The following CEP43 variants were observed in gnomAD, a reference collection of about 807,000 sequenced individuals.
The protein encoded by CEP43 is FGFR1 oncogene partner.
CEP43 carries 36 observed loss-of-function variants against 52.6 expected under a neutral mutation model. The observed-to-expected ratio is 0.68, with a 90% CI of 0.52 to 0.90. The LOEUF (loss-of-function observed/expected upper bound fraction) is 0.90. Among genes scored for constraint, CEP43 ranks in the 40% least tolerant of loss-of-function variants. The pLI is 0.00. For missense variants in CEP43, 506 were observed against 472.8 expected, an observed-to-expected ratio of 1.07 and a Z score of -0.65; for synonymous variants, 192 against 172.4, an observed-to-expected ratio of 1.11 and a Z score of -0.89.
chr6:167,041,884 T>G lies in CEP43; in HGVS notation c.*1906T>G. The stretch of plus-strand genomic sequence containing the variant: ...TGTCACTCAGACTGGAGTACAGTGA[T>G]GCGATCTCGGCTCACTGCAACCTCC... On this transcript the variant is annotated 3_prime_UTR_variant, in exon 13 of 13. Coordinates refer to ENST00000366847, the MANE Select transcript of CEP43 (RefSeq NM_007045.4). 2.4e-6 allele frequency: 2 copies of G among 833,914 alleles called. No individual in the cohort carries two copies. The highest frequency in any genetic ancestry group is 2.9e-6 in the Non-Finnish European group (2 of 683,916). 51.7% of individuals were successfully genotyped at this position (833,914 alleles called of 1,614,324 possible). A position where few individuals can be genotyped will look rare whatever the true frequency, so the allele number is the denominator to read the frequency against.
chr6:167,004,119 A>G (rs1244236731), intron 4 of CEP43, 145 bp from the exon 5 acceptor site: 1 of 913,692 alleles, frequency 1.1e-6, no homozygotes, highest in Admixed American at 3.3e-5. Context: ...AATAGGCATA[A>G]TTTTTTAAAA....
At chr6:166,999,861 G>C (rs959816512) in intron 1 of CEP43, 199 bp from the exon 2 acceptor site, 4 of 578,630 alleles carry the variant, frequency 6.9e-6, no homozygotes, top group Non-Finnish European at 1.2e-5. Context: ...CATGATCCGC[G>C]GCGGGAAAGC....
Position 167,041,110 on chromosome 6 carries a change from G to T in CEP43, c.*1132G>T. On this transcript the variant is annotated 3_prime_UTR_variant, in exon 13 of 13. Transcript: ENST00000366847. ...ACTTTATAATTTCAATTAAGTTGCGGCTTTTTACTACAAGTTAACTTTATT... is the reference window on the plus strand; with the variant it reads ...ACTTTATAATTTCAATTAAGTTGCGTCTTTTTACTACAAGTTAACTTTATT... The T allele has an allele frequency of 2.9e-6, 3 of 1,041,126 alleles. No homozygotes were observed. The highest frequency in any genetic ancestry group is 3.5e-6 in the Non-Finnish European group (3 of 864,182). The allele number at this position is 1,041,126 out of a possible 1,614,324, so 64.5% of individuals were successfully genotyped here.
In CEP43 at chr6:167,033,945, A is replaced by G. The variant is rs1177265357; in HGVS notation, c.1099A>G (p.Ile367Val). ...GATAGAAGAAGACCTTTCTGTGGAA[A>G]TAGATGACATCAATACCAGTGATAA... ...EEIEEDLSVE[I>V]DDINTSDKLD... Residue 367 changes from isoleucine to valine, a missense_variant, in exon 12 of 13, where the codon ATA becomes GTA. By Grantham distance (29) the Ile-to-Val change is conservative. Transcript: ENST00000366847. The G allele has an allele frequency of 1.3e-6, 2 of 1,582,950 alleles. No homozygotes were observed. The highest frequency in any genetic ancestry group is 1.7e-6 in the Non-Finnish European group (2 of 1,155,252).
chr6:167,000,337 C>A (rs1204142760), intron 2 of CEP43, among the ~76,000 whole-genome samples: 2 of 152,132 alleles, frequency 1.3e-5, no homozygotes, highest in African/African-American at 4.8e-5. Flanking sequence ...GATACTAATG[C>A]TTAATCTGAA....
At chr6:167,028,416 G>C (rs983580614) in intron 10 of CEP43, 18 of 984,984 alleles carry the variant, frequency 1.8e-5, no homozygotes, top group Non-Finnish European at 1.9e-5. Context: ...AGTTATGCAG[G>C]TGAGAACTAC....
At position 167,046,406 on chromosome 6, in the gene CEP43, G is replaced by C. The variant is rs1306896472; in HGVS notation, c.*6428G>C. On this transcript the variant is annotated 3_prime_UTR_variant, in exon 13 of 13. Transcript: ENST00000366847. Reference sequence around the variant, plus strand: ...AAAAATGGAAGGAGGAAGGAAGGAAGGGAAAGAATGAAGAAAGCCATTTGT... The same window carrying C: ...AAAAATGGAAGGAGGAAGGAAGGAACGGAAAGAATGAAGAAAGCCATTTGT... 6.6e-6 allele frequency: 1 copy of C among 151,996 alleles called. No homozygotes were observed. Among genetic ancestry groups the C allele is most frequent in the Non-Finnish European group, 1.5e-5 (1 of 67,998 alleles). 9.4% of individuals were successfully genotyped at this position (151,996 alleles called of 1,614,324 possible). A position where few individuals can be genotyped will look rare whatever the true frequency, so the allele number is the denominator to read the frequency against.
chr6:167,011,099 T>C (rs1186927166), intron 6 of CEP43, among the ~76,000 whole-genome samples: 1 of 152,252 alleles, frequency 6.6e-6, no homozygotes, highest in Non-Finnish European at 1.5e-5. Context: ...ATTTGTATTG[T>C]AGAAAGGAAT....
chr6:167,000,018 G>A, intron 1 of CEP43, 42 bp from the exon 2 acceptor site: 1 of 1,537,524 alleles, frequency 6.5e-7, no homozygotes, highest in African/African-American at 1.4e-5. Flanking sequence ...TGTGAAAATT[G>A]TCTTGAAATT....
rs1308327987 is a variant in CEP43, at chr6:167,047,430, C to T, written c.*7452C>T. The T allele has an allele frequency of 6.6e-6, 1 of 152,144 alleles. No individual in the cohort carries two copies. The highest frequency in any genetic ancestry group is 1.5e-5 in the Non-Finnish European group (1 of 68,046). The allele number at this position is 152,144 out of a possible 1,614,324, so 9.4% of individuals were successfully genotyped here. A position where few individuals can be genotyped will look rare whatever the true frequency, so the allele number is the denominator to read the frequency against. ...ATTTAATATCAGTATTCTCAGTTTT[C>T]TCATCTGTAAAGGGGATTAAATACT... is the stretch of plus-strand genomic sequence containing the variant. On this transcript the variant is annotated 3_prime_UTR_variant, in exon 13 of 13. Transcript: ENST00000366847.
rs1319145491 is a variant in CEP43, at chr6:167,022,601, G to C, written c.772G>C (p.Asp258His). 1.2e-6 allele frequency: 2 copies of C among 1,614,038 alleles called. No individual in the cohort carries two copies. Among genetic ancestry groups the C allele is most frequent in the Non-Finnish European group, 1.7e-6 (2 of 1,179,888 alleles). ...DDMEGDSFFDDPIPKPEKTYG... is the reference protein window; with the variant it reads ...DDMEGDSFFDHPIPKPEKTYG... The stretch of plus-strand genomic sequence containing the variant: ...TATGGAAGGAGATTCTTTCTTTGAT[G>C]ATCCCATTCCTAAGCCAGAGAAAAC... Residue 258 changes from aspartate (D) to histidine (H), a missense_variant, in exon 8 of 13, where the codon GAT becomes CAT. Coordinates refer to ENST00000366847, the MANE Select transcript of CEP43 (RefSeq NM_007045.4).
At position 167,047,258 on chromosome 6, in the gene CEP43, G is replaced by T. The variant is rs1183347146; in HGVS notation, c.*7280G>T. ...GCACAGGCCACCCTAGACAGGAGGG[G>T]TCCCCTACTGACAGGGAGGTGCTGT... On this transcript the variant is annotated 3_prime_UTR_variant, in exon 13 of 13. Transcript: ENST00000366847. The T allele has an allele frequency of 6.6e-6, 1 of 152,240 alleles. No homozygotes were observed. Among genetic ancestry groups the T allele is most frequent in the East Asian group, 1.9e-4 (1 of 5,190 alleles). The allele number at this position is 152,240 out of a possible 1,614,324, so 9.4% of individuals were successfully genotyped here. A position where few individuals can be genotyped will look rare whatever the true frequency, so the allele number is the denominator to read the frequency against.
At chr6:167,003,107 T>C (rs1779774105) in intron 2 of CEP43, 86 bp from the exon 3 acceptor site, 2 of 626,036 alleles carry the variant, frequency 3.2e-6, no homozygotes, top group Admixed American at 3.6e-5. Flanking sequence ...AAAACCATAA[T>C]TTTATCAATG....
chr6:167,023,741 G>A (rs1780291545), intron 8 of CEP43, among the ~76,000 whole-genome samples: 1 of 152,192 alleles, frequency 6.6e-6, no homozygotes, highest in African/African-American at 2.4e-5. Flanking sequence ...GGAGAGTGGT[G>A]TCTGTGGAGG....
Position 167,044,670 on chromosome 6 carries a change from C to A in CEP43, c.*4692C>A. 1 of 578,158 alleles carries A rather than the reference C, an allele frequency of 1.7e-6. No homozygotes were observed. Among genetic ancestry groups the A allele is most frequent in the Non-Finnish European group, 2.2e-6 (1 of 457,870 alleles). The allele number at this position is 578,158 out of a possible 1,614,324, so 35.8% of individuals were successfully genotyped here. ...TGCCCTTAGAAAATGAACCCCCGAA[C>A]AAGGTAAGGTCGAGCTGGCCCCTCG... On this transcript the variant is annotated 3_prime_UTR_variant, in exon 13 of 13. Coordinates refer to ENST00000366847, the MANE Select transcript of CEP43 (RefSeq NM_007045.4).
chr6:166,999,592 G>T, intron 1 of CEP43, 78 bp downstream of exon 1: 1 of 1,082,288 alleles, frequency 9.2e-7, no homozygotes, highest in Non-Finnish European at 1.2e-6. Context: ...CGGTCGCGGC[G>T]AGGAGGCCGC....
intron 12 of CEP43, among the ~76,000 whole-genome samples, chr6:167,034,316 C>G (rs1194496411): frequency 6.6e-6 from 1 of 152,150 alleles, no homozygotes; most frequent in Non-Finnish European, 1.5e-5. Context: ...GTACTGTGAT[C>G]ACAGGAGGAA....
Position 167,042,225 on chromosome 6 carries a change from T to G in CEP43, c.*2247T>G, listed in dbSNP as rs374572834. 23 of 1,007,126 alleles carry G rather than the reference T, an allele frequency of 2.3e-5. No individual in the cohort carries two copies. The African/African-American group carries it at 4.0e-4, about 17-fold the overall frequency. 62.4% of individuals were successfully genotyped at this position (1,007,126 alleles called of 1,614,324 possible). A position where few individuals can be genotyped will look rare whatever the true frequency, so the allele number is the denominator to read the frequency against. On this transcript the variant is annotated 3_prime_UTR_variant, in exon 13 of 13. Coordinates refer to ENST00000366847, the MANE Select transcript of CEP43 (RefSeq NM_007045.4). The stretch of plus-strand genomic sequence containing the variant: ...ATTAGGTATTATCAACTTATGAAAC[T>G]TGAAGATGTGAAGTGACAGGTTTTG...
chr6:167,013,541 A>G lies in CEP43; in HGVS notation c.553A>G (p.Thr185Ala). 1 of 1,613,828 alleles carries G rather than the reference A, an allele frequency of 6.2e-7. No individual in the cohort carries two copies. The highest frequency in any genetic ancestry group is 1.1e-5 in the South Asian group (1 of 91,064). Residue 185 changes from threonine (T) to alanine (A), a missense_variant, in exon 7 of 13, where the codon ACA becomes GCA. Physicochemically the swap from Thr to Ala is moderately conservative, Grantham distance 58. Transcript: ENST00000366847. ...GTATAAAGGACAAGGTAAGAAGAAGACAAGCGGGCAGAAGGCTGGTGACAA... is the reference window on the plus strand; with the variant it reads ...GTATAAAGGACAAGGTAAGAAGAAGGCAAGCGGGCAGAAGGCTGGTGACAA... ...PRYKGQGKKKTSGQKAGDKKA... is the reference protein window; with the variant it reads ...PRYKGQGKKKASGQKAGDKKA...
Sources: gnomAD v4.1 joint callset for allele counts (sites outside exome capture counted in the v4.1 genomes callset) on GRCh38, gnomAD v4.1.1 for gene constraint, MANE v1.5 for transcripts, NCBI Gene and HGNC (gene_info 2026-07-23, HGNC 2026-07-21) for gene names.